Variants in SHISA9 observed in about 807,000 individuals in gnomAD.
SHISA9 encodes the protein protein shisa-9.
A neutral mutation model predicts 38.0 loss-of-function variants in SHISA9; 13 were observed. The ratio of observed to expected loss-of-function variants is 0.34; its 90% CI spans 0.22 to 0.54. The LOEUF (loss-of-function observed/expected upper bound fraction) is 0.54, where lower values mean the gene tolerates loss of function less well. SHISA9 is among the 20% of genes least tolerant of loss of function. The pLI is 0.91. For synonymous variants in SHISA9, 275 were observed against 242.0 expected (o/e 1.14, Z -1.27); for missense variants, 538 against 575.8 (o/e 0.93, Z 0.67).
intron 2 of SHISA9, among the ~76,000 whole-genome samples, chr16:13,109,410 A>G (rs544705043): frequency 6.6e-6 from 1 of 152,258 alleles, no homozygotes; most frequent in East Asian, 1.9e-4. Flanking sequence ...ACCTGCTTGC[A>G]TCTCTCCTCA....
the SHISA9 span, among the ~76,000 whole-genome samples, chr16:13,336,098 C>T: frequency 5.3e-5 from 8 of 152,106 alleles, no homozygotes; most frequent in Non-Finnish European, 4.4e-5. Context: ...TCAGAAGTCC[C>T]GTGGTTTCCC....
chr16:13,489,472 T>C, the SHISA9 span, among the ~76,000 whole-genome samples: 19 of 152,360 alleles, frequency 1.2e-4, no homozygotes, highest in Non-Finnish European at 2.5e-4. Flanking sequence ...AAATCTCATC[T>C]TGAATTGTAG....
At chr16:12,997,075 T>A (rs1403783766) in intron 2 of SHISA9, among the ~76,000 whole-genome samples, 1 of 152,126 alleles carries the variant, frequency 6.6e-6, no homozygotes. Flanking sequence ...AACCAACTCC[T>A]CTATCAAGAG....
the SHISA9 span, among the ~76,000 whole-genome samples, chr16:13,368,225 C>A: frequency 1.9e-3 from 294 of 152,144 alleles, no homozygotes; most frequent in Non-Finnish European, 3.5e-3. Context: ...ATTTTGTAAC[C>A]AGAATTTTTC....
chr16:13,547,279 C>T, the SHISA9 span, among the ~76,000 whole-genome samples: 1 of 152,088 alleles, frequency 6.6e-6, no homozygotes, highest in African/African-American at 2.4e-5. Context: ...GATGTAAGCA[C>T]ATTATCAGTG....
chr16:13,543,663 G>T, the SHISA9 span, among the ~76,000 whole-genome samples: 24 of 152,100 alleles, frequency 1.6e-4, no homozygotes, highest in Non-Finnish European at 2.1e-4. Flanking sequence ...CACCAGGGCC[G>T]CAGAAGCCCA....
the SHISA9 span, among the ~76,000 whole-genome samples, chr16:13,323,137 CAATT>C: frequency 4.1e-3 from 617 of 152,288 alleles, 2 homozygotes; most frequent in Non-Finnish European, 6.5e-3. Flanking sequence ...ATTGGTAAGA[CAATT>C]AAAGGAGGTA....
intron 4 of SHISA9, among the ~76,000 whole-genome samples, chr16:13,233,738 G>A (rs757858436): frequency 2.6e-5 from 4 of 152,226 alleles, no homozygotes; most frequent in South Asian, 2.1e-4. Context: ...GGCCTGGTGC[G>A]GTAGCTCACA....
the SHISA9 span, among the ~76,000 whole-genome samples, chr16:13,510,979 A>G: frequency 6.6e-6 from 1 of 152,166 alleles, no homozygotes. Context: ...GCTTAGGCCG[A>G]TTACCATTTC....
At chr16:13,398,807 C>T in the SHISA9 span, among the ~76,000 whole-genome samples, 4 of 152,236 alleles carry the variant, frequency 2.6e-5, no homozygotes, top group South Asian at 2.1e-4. Flanking sequence ...CCACCACTCC[C>T]GGCCTTATTC....
intron 2 of SHISA9, among the ~76,000 whole-genome samples, chr16:13,148,860 G>A (rs1484486761): frequency 1.3e-5 from 2 of 152,018 alleles, no homozygotes; most frequent in East Asian, 3.9e-4. Flanking sequence ...AGTTTATGGG[G>A]AAATAAAATT....
chr16:12,902,669 T>C (rs987727008), intron 1 of SHISA9, 42 bp downstream of exon 1: 161 of 1,487,306 alleles, frequency 1.1e-4, no homozygotes, highest in Non-Finnish European at 1.4e-4. Context: ...GGCTTCGCTC[T>C]CCCTGCTCTC....
intron 2 of SHISA9, among the ~76,000 whole-genome samples, chr16:13,019,956 T>A (rs1285153221): frequency 1.8e-4 from 11 of 60,192 alleles, no homozygotes; most frequent in South Asian, 5.3e-4. Flanking sequence ...TCTTTCTTTC[T>A]TTCCCTCCTT....
chr16:13,379,020 A>G, the SHISA9 span, among the ~76,000 whole-genome samples: 2 of 152,216 alleles, frequency 1.3e-5, no homozygotes, highest in East Asian at 1.9e-4. Context: ...TCACCACTCA[A>G]GGAACCTCAT....
At chr16:13,074,261 T>C (rs1409536287) in intron 2 of SHISA9, among the ~76,000 whole-genome samples, 1 of 152,118 alleles carries the variant, frequency 6.6e-6, no homozygotes, top group African/African-American at 2.4e-5. Context: ...TGAGCCACCA[T>C]GCCTGGCCAT....
chr16:12,976,679 G>A lies in SHISA9; in HGVS notation c.691+59864G>A, dbSNP rs532238813. Among the ~76,000 whole-genome samples, 8 of 150,924 alleles carry A rather than the reference G, an allele frequency of 5.3e-5. No individual in the cohort carries two copies. The East Asian group carries it at 1.4e-3, about 26-fold the overall frequency. On this transcript the variant is annotated intron_variant, in intron 2 of 4. Coordinates refer to ENST00000558583, the MANE Select transcript of SHISA9 (RefSeq NM_001145204.3). ...AGGTGTAGATGTTGCTTTCTATTTC[G>A]AGTGTGCCTTGCAGGGGGTAAGTAA...
the SHISA9 span, among the ~76,000 whole-genome samples, chr16:13,452,964 A>G: frequency 3.3e-5 from 5 of 151,934 alleles, no homozygotes; most frequent in African/African-American, 7.3e-5. Context: ...GCTGGAGTGC[A>G]GTGGCGCAAT....
intron 2 of SHISA9, among the ~76,000 whole-genome samples, chr16:13,080,500 G>GTGTGGATCTAGTGGGTCTAGTGTGTA: frequency 6.6e-6 from 1 of 151,812 alleles, no homozygotes; most frequent in Non-Finnish European, 1.5e-5. Flanking sequence ...TCCTGTGTCT[G>GTGTGGATCTAGTGGGTCTAGTGTGTA]CCCCTTCATG....
At chr16:13,511,698 A>C in the SHISA9 span, among the ~76,000 whole-genome samples, 1 of 152,132 alleles carries the variant, frequency 6.6e-6, no homozygotes, top group Non-Finnish European at 1.5e-5. Flanking sequence ...AAGTCCAGTA[A>C]TTTCTCTGAA....
Sources: gnomAD v4.1 joint callset for allele counts (sites outside exome capture counted in the v4.1 genomes callset) on GRCh38, gnomAD v4.1.1 for gene constraint, MANE v1.5 for transcripts, NCBI Gene and HGNC (gene_info 2026-07-23, HGNC 2026-07-21) for gene names.